MYBL1: variants seen among roughly 807,000 people sequenced by gnomAD.
MYBL1 encodes the protein myb-related protein A.
Under a neutral mutation model 96.3 loss-of-function variants are expected in MYBL1, and 17 were observed. The observed-to-expected ratio is 0.18, with a 90% CI of 0.12 to 0.26. The LOEUF (loss-of-function observed/expected upper bound fraction) is 0.26. MYBL1 is among the 10% of genes least tolerant of loss of function. MYBL1 has a pLI of 1.00. For synonymous variants in MYBL1, 282 were observed against 292.7 expected, an observed-to-expected ratio of 0.96 and a Z score of 0.37; for missense variants, 701 against 882.9, an observed-to-expected ratio of 0.79 and a Z score of 2.61.
chr8:66,582,138 A>C (rs1809235989), intron 8 of MYBL1, among the ~76,000 whole-genome samples: 1 of 152,222 alleles, frequency 6.6e-6, no homozygotes, highest in African/African-American at 2.4e-5. Context: ...CAAAGAATAC[A>C]CAAAAACAGA....
intron 10 of MYBL1, among the ~76,000 whole-genome samples, chr8:66,575,028 T>G (rs891347543): frequency 6.6e-6 from 1 of 151,198 alleles, no homozygotes; most frequent in African/African-American, 2.4e-5. Flanking sequence ...CACCCCAGCC[T>G]GGGCAACAAG....
At chr8:66,602,287 G>C in intron 2 of MYBL1, 131 bp downstream of exon 2, 1 of 446,126 alleles carries the variant, frequency 2.2e-6, no homozygotes, top group Non-Finnish European at 3.9e-6. Flanking sequence ...CTAACCTCAA[G>C]TGATCCGCCC....
At position 66,613,142 on chromosome 8, in the gene MYBL1, C is replaced by T; in HGVS notation, c.-304G>A. 1 of 401,740 alleles carries T rather than the reference C, an allele frequency of 2.5e-6. No homozygotes were observed. Among genetic ancestry groups the T allele is most frequent in the Non-Finnish European group, 4.4e-6 (1 of 227,188 alleles). The allele number at this position is 401,740 out of a possible 1,614,324, so 24.9% of individuals were successfully genotyped here. ...CCGGCTTCTCCCGCCGCTTGTCAGCCTCCCTGCCCTGGCCCCAGCCCGGCT... is the reference window on the plus strand; with the variant it reads ...CCGGCTTCTCCCGCCGCTTGTCAGCTTCCCTGCCCTGGCCCCAGCCCGGCT... On this transcript the variant is annotated 5_prime_UTR_variant, in exon 1 of 16. Transcript: ENST00000522677.
At chr8:66,572,659 G>A (rs1808781639) in intron 11 of MYBL1, 63 bp from the exon 12 acceptor site, 1 of 792,950 alleles carries the variant, frequency 1.3e-6, no homozygotes, top group African/African-American at 1.7e-5. Flanking sequence ...GTTAATGAAA[G>A]CAAAGCAATT....
At position 66,610,547 on chromosome 8, in the gene MYBL1, T is replaced by C. The variant is rs3857961; in HGVS notation, c.20+2272A>G. 8.0e-3 allele frequency among the ~76,000 whole-genome samples: 1,212 copies of C among 152,188 alleles called. 14 individuals carry two copies. Among genetic ancestry groups the C allele is most frequent in the African/African-American group, 0.027 (1,126 of 41,554 alleles). ...TATACTGGAGATCTCAAATTACAAC[T>C]TGAAGTAACTGAATTATTTCTTTTC... On this transcript the variant is annotated intron_variant, in intron 1 of 15. Transcript: ENST00000522677.
intron 8 of MYBL1, among the ~76,000 whole-genome samples, chr8:66,591,558 A>C (rs1210492829): frequency 2.6e-5 from 4 of 152,078 alleles, no homozygotes; most frequent in African/African-American, 9.7e-5. Context: ...CATCTATATA[A>C]AATTTCTTCT....
At chr8:66,577,985 T>C (rs543853249) in intron 9 of MYBL1, among the ~76,000 whole-genome samples, 3 of 152,292 alleles carry the variant, frequency 2.0e-5, no homozygotes, top group South Asian at 2.1e-4. Flanking sequence ...GGGGAAAGGA[T>C]TCCCTATTTA....
chr8:66,576,517 C>A, intron 9 of MYBL1, 142 bp from the exon 10 acceptor site: 1 of 908,960 alleles, frequency 1.1e-6, no homozygotes. Context: ...TTTTTTTAAG[C>A]AAGACCATTT....
At chr8:66,597,847 T>TAAAAAAA (rs1189665191) in intron 4 of MYBL1, among the ~76,000 whole-genome samples, 4 of 36,172 alleles carry the variant, frequency 1.1e-4, no homozygotes, top group African/African-American at 4.0e-4. Flanking sequence ...CTCCTACATC[T>TAAAAAAA]AAAAAAAAAA....
chr8:66,600,179 C>G (rs1810013479), intron 3 of MYBL1, among the ~76,000 whole-genome samples: 1 of 152,164 alleles, frequency 6.6e-6, no homozygotes, highest in Non-Finnish European at 1.5e-5. Flanking sequence ...AGTCCAGAAC[C>G]TGGTAACTCC....
chr8:66,574,657 C>G (rs148607791), intron 10 of MYBL1, among the ~76,000 whole-genome samples: 1 of 152,382 alleles, frequency 6.6e-6, no homozygotes, highest in Non-Finnish European at 1.5e-5. Flanking sequence ...CAGAAAACAT[C>G]AGCTTCATCT....
At chr8:66,593,994 G>A (rs1046560244) in intron 6 of MYBL1, among the ~76,000 whole-genome samples, 1 of 152,048 alleles carries the variant, frequency 6.6e-6, no homozygotes, top group Non-Finnish European at 1.5e-5. Context: ...AAATTAGCCA[G>A]GTGTAGTGGA....
chr8:66,602,947 G>A (rs1015488399), intron 1 of MYBL1, among the ~76,000 whole-genome samples: 17 of 150,912 alleles, frequency 1.1e-4, no homozygotes, highest in South Asian at 2.1e-4. Context: ...GGGTTTCACC[G>A]TGTTAACCAG....
chr8:66,564,740 G>A lies in MYBL1; in HGVS notation c.2216C>T (p.Thr739Ile), dbSNP rs1237535208. 6.3e-7 allele frequency: 1 copy of A among 1,585,406 alleles called. No individual in the cohort carries two copies. Among genetic ancestry groups the A allele is most frequent in the Non-Finnish European group, 8.6e-7 (1 of 1,162,872 alleles). Reference sequence around the variant, plus strand: ...TGAAGTACTACTGGTAGCTGTGTAAGTACTCAGATATCTTCTTGCTTGTTC... The same window carrying A: ...TGAAGTACTACTGGTAGCTGTGTAAATACTCAGATATCTTCTTGCTTGTTC... ...MTEQARRYLS[T>I]YTATSSTSRA... The change falls in exon 16 of 16, where the codon ACT becomes ATT. Residue 739 changes from threonine (T) to isoleucine (I), a missense_variant. Transcript: ENST00000522677.
intron 13 of MYBL1, 23 bp downstream of exon 13, chr8:66,566,853 T>C (rs764596530): frequency 6.3e-7 from 1 of 1,589,688 alleles, no homozygotes; most frequent in Non-Finnish European, 8.6e-7. Context: ...AGACTTTTAT[T>C]AACAATAATA....
chr8:66,601,682 T>C lies in MYBL1; in HGVS notation c.198+16A>G. On this transcript the variant is annotated intron_variant, in intron 3 of 15. Coordinates refer to ENST00000522677, the MANE Select transcript of MYBL1 (RefSeq NM_001080416.4). ...AAACCAGCCATGTTAGAAATATAAT[T>C]TAATATTTCACTTACTTGAAGATGA... 7.2e-7 allele frequency: 1 copy of C among 1,393,646 alleles called. No individual in the cohort carries two copies. The highest frequency in any genetic ancestry group is 9.9e-7 in the Non-Finnish European group (1 of 1,013,380). The allele number at this position is 1,393,646 out of a possible 1,614,324, so 86.3% of individuals were successfully genotyped here. A position where few individuals can be genotyped will look rare whatever the true frequency, so the allele number is the denominator to read the frequency against.
intron 6 of MYBL1, among the ~76,000 whole-genome samples, chr8:66,593,560 T>A (rs910613429): frequency 1.3e-5 from 2 of 152,148 alleles, no homozygotes; most frequent in Admixed American, 1.3e-4. Context: ...TGTGTTCCTA[T>A]GTGTCCATAT....
At chr8:66,575,932 T>C (rs1381144090) in intron 10 of MYBL1, 75 bp downstream of exon 10, 3 of 1,437,046 alleles carry the variant, frequency 2.1e-6, no homozygotes, top group East Asian at 2.3e-5. Context: ...TACCAACTGC[T>C]AGTAAGGATG....
intron 8 of MYBL1, among the ~76,000 whole-genome samples, chr8:66,590,011 C>G (rs371054811): frequency 1.3e-5 from 2 of 151,968 alleles, no homozygotes; most frequent in South Asian, 2.1e-4. Flanking sequence ...GAGGCTGAGG[C>G]TGCAGTGAGC....
Sources: allele counts gnomAD v4.1 joint callset (sites outside exome capture counted in the v4.1 genomes callset), GRCh38; gene constraint gnomAD v4.1.1; transcripts MANE v1.5; gene names NCBI Gene and HGNC (gene_info 2026-07-23, HGNC 2026-07-21).